CNTN1: variants seen among roughly 807,000 people sequenced by gnomAD.
CNTN1 encodes the protein contactin-1.
Under a neutral mutation model 126.4 loss-of-function variants are expected in CNTN1, and 38 were observed. The observed-to-expected ratio is 0.30, with a 90% confidence interval of 0.23 to 0.39. CNTN1 has a LOEUF of 0.39. Ranked by LOEUF, CNTN1 falls within the 10% of genes least tolerant of loss-of-function variation. The pLI, the probability that CNTN1 is intolerant of heterozygous loss-of-function variation, is 1.00. For missense variants in CNTN1, 1,009 were observed against 1,248.4 expected (o/e 0.81, Z 2.89); for synonymous variants, 413 against 422.6 (o/e 0.98, Z 0.28).
At chr12:40,705,211 T>C (rs10784794) in intron 1 of CNTN1, among the ~76,000 whole-genome samples, 152,291 of 152,314 alleles carry the variant, frequency 1, 76,134 homozygotes, top group Middle Eastern at 1. Flanking sequence ...CTATTATTTG[T>C]TTCATTAGGG....
At chr12:40,994,311 C>T (rs1948161826) in intron 17 of CNTN1, among the ~76,000 whole-genome samples, 1 of 151,972 alleles carries the variant, frequency 6.6e-6, no homozygotes, top group Non-Finnish European at 1.5e-5. Context: ...TTGTATTAGT[C>T]AAGAAATCAC....
At chr12:40,799,162 A>G (rs1462082492) in intron 1 of CNTN1, among the ~76,000 whole-genome samples, 1 of 151,372 alleles carries the variant, frequency 6.6e-6, no homozygotes, top group Non-Finnish European at 1.5e-5. Context: ...CTCATAATCT[A>G]TAGCCTAATA....
intron 1 of CNTN1, among the ~76,000 whole-genome samples, chr12:40,854,996 C>T (rs949566619): frequency 1.3e-5 from 2 of 151,950 alleles, no homozygotes; most frequent in Non-Finnish European, 2.9e-5. Context: ...CAATGAGAGA[C>T]CCTTAGATTG....
intron 3 of CNTN1, among the ~76,000 whole-genome samples, chr12:40,910,679 G>T (rs973614608): frequency 7.9e-5 from 12 of 152,192 alleles, no homozygotes; most frequent in African/African-American, 2.4e-4. Flanking sequence ...GTACTTACTA[G>T]ATGATTTTAT....
chr12:40,774,055 T>C lies in CNTN1; in HGVS notation c.-77+81463T>C, dbSNP rs892901403. Among the ~76,000 whole-genome samples the C allele has an allele frequency of 2.0e-5, 3 of 151,552 alleles. No individual in the cohort carries two copies. In the East Asian group the frequency reaches 5.9e-4, roughly 30 times the overall value. ...TGTATTTGCAATGCCCTGAAGAAGC[T>C]GGAGTATAGAACAAGCTGAAGTAGG... On this transcript the variant is annotated intron_variant, in intron 1 of 23. Transcript: ENST00000551295.
intron 1 of CNTN1, among the ~76,000 whole-genome samples, chr12:40,904,172 C>T (rs1462365767): frequency 6.6e-6 from 1 of 152,012 alleles, no homozygotes; most frequent in African/African-American, 2.4e-5. Flanking sequence ...GCGCCTGCCA[C>T]CACGCACAGC....
chr12:41,063,079 A>G (rs1170122789), intron 23 of CNTN1, among the ~76,000 whole-genome samples: 2 of 152,250 alleles, frequency 1.3e-5, no homozygotes, highest in Admixed American at 6.5e-5. Flanking sequence ...TTTCTGTACA[A>G]ATAAATAAGA....
At chr12:41,069,138 T>C (rs1950109781) in intron 23 of CNTN1, among the ~76,000 whole-genome samples, 1 of 152,218 alleles carries the variant, frequency 6.6e-6, no homozygotes, top group South Asian at 2.1e-4. Context: ...ATAAACTTAC[T>C]TGACTACAGG....
At chr12:40,729,712 A>C (rs1343777250) in intron 1 of CNTN1, 2 of 205,682 alleles carry the variant, frequency 9.7e-6, no homozygotes, top group Non-Finnish European at 2.1e-5. Context: ...TGATACAATC[A>C]AGCCATGTAT....
At chr12:40,841,395 A>T (rs946936586) in intron 1 of CNTN1, among the ~76,000 whole-genome samples, 6 of 152,082 alleles carry the variant, frequency 3.9e-5, no homozygotes. Context: ...CCATTCCAAC[A>T]AATTGAAGAT....
intron 1 of CNTN1, among the ~76,000 whole-genome samples, chr12:40,753,086 G>A (rs768768025): frequency 6.6e-6 from 1 of 151,878 alleles, no homozygotes; most frequent in Non-Finnish European, 1.5e-5. Context: ...CCACAATCCT[G>A]CCATGTTAAT....
rs546813325 is a variant in CNTN1 at position 40,757,763 on chromosome 12, T to C, written c.-77+65171T>C. ...GGGTGAGCATGAATTGAAAATCTCA[T>C]TGGTAAGAAAAAAATAAAACCATTT... On this transcript the variant is annotated intron_variant, in intron 1 of 23. Coordinates refer to ENST00000551295, the MANE Select transcript of CNTN1 (RefSeq NM_001843.4). Among the ~76,000 whole-genome samples the C allele has an allele frequency of 1.4e-4, 21 of 152,288 alleles. No homozygotes were observed. The South Asian group carries it at 4.1e-3, about 30-fold the overall frequency.
chr12:40,755,821 CTTA>C (rs1224610592), intron 1 of CNTN1, among the ~76,000 whole-genome samples: 2 of 151,852 alleles, frequency 1.3e-5, no homozygotes, highest in African/African-American at 4.8e-5. Context: ...CTTGTAGACC[CTTA>C]TTATTATATG....
rs1950173361 is a variant in CNTN1 at position 41,072,383 on chromosome 12, A to G, written c.*2348A>G. ...TTTATGAATGAAAAAATTAGTATAA[A>G]GTAATAAATGTCTTATGTTACCCAA... On this transcript the variant is annotated 3_prime_UTR_variant, in exon 24 of 24. Coordinates refer to ENST00000551295, the MANE Select transcript of CNTN1 (RefSeq NM_001843.4). 1 of 152,224 alleles carries G rather than the reference A, an allele frequency of 6.6e-6. No homozygotes were observed. Among genetic ancestry groups the G allele is most frequent in the Non-Finnish European group, 1.5e-5 (1 of 68,030 alleles). 9.4% of individuals were successfully genotyped at this position (152,224 alleles called of 1,614,324 possible).
chr12:41,027,090 A>G (rs1482929811), intron 21 of CNTN1, among the ~76,000 whole-genome samples: 5 of 152,044 alleles, frequency 3.3e-5, no homozygotes, highest in African/African-American at 1.2e-4. Flanking sequence ...AGATTTGAGG[A>G]TACTCGACAT....
chr12:41,042,423 T>C (rs199508949), intron 23 of CNTN1, among the ~76,000 whole-genome samples: 3 of 151,044 alleles, frequency 2.0e-5, no homozygotes, highest in South Asian at 2.1e-4. Flanking sequence ...TCTGTAGATG[T>C]CTATTAGGTC....
chr12:40,695,521 C>CA (rs914750747), intron 1 of CNTN1, among the ~76,000 whole-genome samples: 26 of 151,822 alleles, frequency 1.7e-4, no homozygotes, highest in Middle Eastern at 3.4e-3. Context: ...TGCCTTATTT[C>CA]AAAAAAAATC....
At chr12:40,713,111 T>C (rs1042877663) in intron 1 of CNTN1, among the ~76,000 whole-genome samples, 88 of 152,152 alleles carry the variant, frequency 5.8e-4, no homozygotes, top group African/African-American at 2.1e-3. Context: ...CACCACTAGC[T>C]TCTGCTCCTG....
chr12:40,753,659 G>A (rs967757767), intron 1 of CNTN1, among the ~76,000 whole-genome samples: 2 of 152,152 alleles, frequency 1.3e-5, no homozygotes, highest in Middle Eastern at 6.8e-3. Flanking sequence ...CCTCCCAATA[G>A]GTCCCTCCTA....
Sources: gnomAD v4.1 joint callset for allele counts (sites outside exome capture counted in the v4.1 genomes callset) on GRCh38, gnomAD v4.1.1 for gene constraint, MANE v1.5 for transcripts, NCBI Gene and HGNC (gene_info 2026-07-23, HGNC 2026-07-21) for gene names.